The following TBC1D26 variants were observed in gnomAD, a reference collection of about 807,000 sequenced individuals.
TBC1D26 encodes the protein TBC1 domain family, member 26.
In TBC1D26, 19 loss-of-function variants were observed where a neutral mutation model predicts 42.5. That is an observed-to-expected ratio of 0.45 (90% confidence interval 0.31 to 0.66). The LOEUF is 0.66. TBC1D26 is among the 30% of genes least tolerant of loss of function. The pLI is 0.06. For synonymous variants in TBC1D26, 97 were observed against 123.5 expected (o/e 0.79, Z 1.42); for missense variants, 228 against 332.6 (o/e 0.69, Z 2.45).
chr17:15,740,141 A>G lies in TBC1D26; in HGVS notation c.539A>G (p.Tyr180Cys), dbSNP rs1967737728. ...GACATCCTCGTGGCCTATTCTGCATATAACCCTGTGAGTATTCCCGGGCAG... is the reference window on the plus strand; with the variant it reads ...GACATCCTCGTGGCCTATTCTGCATGTAACCCTGTGAGTATTCCCGGGCAG... The part of the protein sequence containing the change: ...LCDILVAYSA[Y>C]NPEVGYHRDL... The change falls in exon 9 of 15, where the codon TAT becomes TGT. Residue 180 changes from tyrosine to cysteine, a missense_variant. Physicochemically the swap from Tyr to Cys is radical, Grantham distance 194 (BLOSUM62 -2). Transcript: ENST00000437605. 1 of 1,614,188 alleles carries G rather than the reference A, an allele frequency of 6.2e-7. No homozygotes were observed. The highest frequency in any genetic ancestry group is 8.5e-7 in the Non-Finnish European group (1 of 1,180,028).
intron 2 of TBC1D26, 133 bp from the exon 3 acceptor site, chr17:15,735,215 C>T (rs1360850165): frequency 1.1e-5 from 12 of 1,065,772 alleles, no homozygotes; most frequent in Non-Finnish European, 1.6e-5. Flanking sequence ...TGAGTCTGGC[C>T]CCTGTCATCT....
At chr17:15,741,765 G>A in intron 10 of TBC1D26, 177 bp from the exon 11 acceptor site, 1 of 614,054 alleles carries the variant, frequency 1.6e-6, no homozygotes, top group Non-Finnish European at 2.9e-6. Context: ...AGGCCGCTAG[G>A]CAGTGCCTCC....
At chr17:15,736,735 T>C (rs556055229) in intron 4 of TBC1D26, among the ~76,000 whole-genome samples, 1 of 152,390 alleles carries the variant, frequency 6.6e-6, no homozygotes, top group East Asian at 1.9e-4. Flanking sequence ...TGCAGGGCCC[T>C]TGGTCATCCT....
At chr17:15,740,324 A>C (rs1967744586) in intron 9 of TBC1D26, 176 bp downstream of exon 9, 3 of 1,556,864 alleles carry the variant, frequency 1.9e-6, no homozygotes, top group Non-Finnish European at 2.6e-6. Context: ...TCCTGGTGTC[A>C]CATGGACCCA....
intron 9 of TBC1D26, 65 bp downstream of exon 9, chr17:15,740,213 T>C (rs562608478): frequency 8.7e-6 from 14 of 1,613,820 alleles, no homozygotes; most frequent in Non-Finnish European, 1.1e-5. Context: ...TGGGTGTCTC[T>C]TGGGGGTGTT....
At chr17:15,741,035 C>G (rs1967761512) in intron 9 of TBC1D26, 87 bp from the exon 10 acceptor site, 1 of 1,557,256 alleles carries the variant, frequency 6.4e-7, no homozygotes, top group Admixed American at 1.7e-5. Flanking sequence ...CCCCAAAGAC[C>G]TGTGCCACCT....
At chr17:15,737,821 A>G (rs1967660538) in intron 5 of TBC1D26, 176 bp from the exon 6 acceptor site, 2 of 855,418 alleles carry the variant, frequency 2.3e-6, no homozygotes, top group Non-Finnish European at 3.6e-6. Flanking sequence ...TCATGGCATC[A>G]CCATTCCAGA....
At position 15,744,083 on chromosome 17, in the gene TBC1D26, T is replaced by C. The variant is rs115703228; in HGVS notation, c.1058-160T>C. 5.9e-3 allele frequency among the ~76,000 whole-genome samples: 899 copies of C among 152,124 alleles called. 10 individuals are homozygous for C. The highest frequency in any genetic ancestry group is 0.02 in the African/African-American group (849 of 41,472). On this transcript the variant is annotated intron_variant, in intron 14 of 14. Coordinates refer to ENST00000437605, the MANE Select transcript of TBC1D26 (RefSeq NM_001388465.1). ...GCCAAGCAGGAGACTCCTGACCCACTGAGGGCAAGGGAAATATGTGGGGTT... is the reference window on the plus strand; with the variant it reads ...GCCAAGCAGGAGACTCCTGACCCACCGAGGGCAAGGGAAATATGTGGGGTT...
chr17:15,737,596 G>C (rs1157592000), intron 5 of TBC1D26, 73 bp downstream of exon 5: 1 of 1,580,570 alleles, frequency 6.3e-7, no homozygotes, highest in Non-Finnish European at 8.6e-7. Context: ...AGGCAGAGGG[G>C]GTGGCCTGTG....
At chr17:15,739,421 C>G (rs1382765832) in intron 8 of TBC1D26, among the ~76,000 whole-genome samples, 19 of 152,290 alleles carry the variant, frequency 1.2e-4, no homozygotes, top group Non-Finnish European at 2.2e-4. Flanking sequence ...GTAACTCACA[C>G]CCGGAGGCTA....
intron 1 of TBC1D26, among the ~76,000 whole-genome samples, chr17:15,734,289 C>G (rs891304034): frequency 3.3e-5 from 5 of 151,922 alleles, no homozygotes; most frequent in Non-Finnish European, 5.9e-5. Flanking sequence ...TGGGACAGAG[C>G]CCCTGTGGGT....
chr17:15,741,364 G>A, intron 10 of TBC1D26, 143 bp downstream of exon 10: 1 of 1,478,586 alleles, frequency 6.8e-7, no homozygotes, highest in Non-Finnish European at 9.1e-7. Flanking sequence ...GAGCCTCCAG[G>A]ATGTCCCTGC....
At chr17:15,740,182 A>G in intron 9 of TBC1D26, 34 bp downstream of exon 9, 2 of 1,614,070 alleles carry the variant, frequency 1.2e-6, no homozygotes, top group Non-Finnish European at 1.7e-6. Context: ...TTCCTGGGAC[A>G]TGTGCCCATA....
In TBC1D26 at chr17:15,737,287, C is replaced by T. The variant is rs569549010; in HGVS notation, c.159-197C>T. ...CCCCCCACCCAGGGCCAGCTTTGAG[C>T]TTCTTCTTCTCCAAGGTCCCAGTGC... On this transcript the variant is annotated intron_variant, in intron 4 of 14. Transcript: ENST00000437605. 1.8e-4 allele frequency among the ~76,000 whole-genome samples: 27 copies of T among 152,370 alleles called. No homozygotes were observed. In the South Asian group the frequency reaches 2.5e-3, roughly 14 times the overall value.
Position 15,743,451 on chromosome 17 carries a change from T to C in TBC1D26, c.992T>C (p.Val331Ala). Reference protein sequence around the residue: ...SQSWALEDNAVLRNLQTSMKE... With the variant: ...SQSWALEDNAALRNLQTSMKE... The stretch of plus-strand genomic sequence containing the variant: ...AGCTGGGCCCTGGAGGACAACGCGG[T>C]CCTCAGGAACCTTCAAACCTCTATG... The change falls in exon 14 of 15, where the codon GTC becomes GCC. Residue 331 changes from valine to alanine, a missense_variant. Coordinates refer to ENST00000437605, the MANE Select transcript of TBC1D26 (RefSeq NM_001388465.1). 8.1e-6 allele frequency: 8 copies of C among 987,862 alleles called. No individual in the cohort carries two copies. Among genetic ancestry groups the C allele is most frequent in the Non-Finnish European group, 9.6e-6 (8 of 831,002 alleles). The allele number at this position is 987,862 out of a possible 1,614,324, so 61.2% of individuals were successfully genotyped here.
intron 1 of TBC1D26, among the ~76,000 whole-genome samples, chr17:15,734,407 G>C (rs1267622882): frequency 6.6e-6 from 1 of 152,108 alleles, no homozygotes; most frequent in Non-Finnish European, 1.5e-5. Flanking sequence ...TGGTTGCTGT[G>C]GGACCCACTG....
At chr17:15,735,309 T>C (rs1424404530) in intron 2 of TBC1D26, 39 bp from the exon 3 acceptor site, 2 of 1,599,556 alleles carry the variant, frequency 1.3e-6, no homozygotes, top group Non-Finnish European at 1.7e-6. Flanking sequence ...TCTGGAGCTC[T>C]TGGGTGCGGG....
intron 4 of TBC1D26, among the ~76,000 whole-genome samples, chr17:15,737,261 C>A (rs1415575864): frequency 6.6e-6 from 1 of 152,136 alleles, no homozygotes; most frequent in Admixed American, 6.6e-5. Context: ...CTTCAAGTGT[C>A]CCCCCCACCC....
At chr17:15,737,319 A>G (rs1274377232) in intron 4 of TBC1D26, among the ~76,000 whole-genome samples, 165 bp from the exon 5 acceptor site, 216 of 151,286 alleles carry the variant, frequency 1.4e-3, no homozygotes, top group African/African-American at 5.0e-3. Flanking sequence ...GTGCCTTGCT[A>G]GTGTCAGATC....
Sources: gnomAD v4.1 joint callset for allele counts (sites outside exome capture counted in the v4.1 genomes callset) on GRCh38, gnomAD v4.1.1 for gene constraint, MANE v1.5 for transcripts, NCBI Gene and HGNC (gene_info 2026-07-23, HGNC 2026-07-21) for gene names.